Variants in FAF2 observed in about 807,000 individuals in gnomAD.
The protein encoded by FAF2 is FAS-associated factor 2.
FAF2 carries 9 observed loss-of-function variants against 62.3 expected under a neutral mutation model. That is an observed-to-expected ratio of 0.14 (90% CI 0.09 to 0.25). FAF2 has a LOEUF of 0.25. FAF2 is among the 10% of genes least tolerant of loss of function. The pLI, the probability that FAF2 is intolerant of heterozygous loss-of-function variation, is 1.00. For missense variants in FAF2, 368 were observed against 556.2 expected (o/e 0.66, Z 3.40); for synonymous variants, 202 against 198.0 (o/e 1.02, Z -0.17).
At position 176,494,712 on chromosome 5, in the gene FAF2, G is replaced by A. The variant is rs4868641; in HGVS notation, c.661+437G>A. Among the ~76,000 whole-genome samples the A allele has an allele frequency of 0.057, 8,685 of 151,914 alleles. 352 individuals carry two copies. Among genetic ancestry groups the A allele is most frequent in the Non-Finnish European group, 0.085 (5,761 of 67,966 alleles). The stretch of plus-strand genomic sequence containing the variant: ...TGGAACTACAGGCATGCACCACCAC[G>A]CCCAGCTAATTTTTTTGTATTTTTA... On this transcript the variant is annotated intron_variant, in intron 7 of 10. Transcript: ENST00000261942. This position sits in a 1 kb window ranked among gnomAD's most constrained non-coding sequence, Gnocchi z 4.0.
At chr5:176,503,017 C>T (rs1315475538) in intron 10 of FAF2, among the ~76,000 whole-genome samples, 1 of 151,448 alleles carries the variant, frequency 6.6e-6, no homozygotes, top group Non-Finnish European at 1.5e-5. Context: ...CATTGCACTC[C>T]AGCCTGGGCG....
chr5:176,470,294 C>A (rs1354582260), intron 1 of FAF2, among the ~76,000 whole-genome samples: 1 of 152,126 alleles, frequency 6.6e-6, no homozygotes, highest in African/African-American at 2.4e-5. Flanking sequence ...TTAAACTTTA[C>A]CAGCCGGGTG....
intron 7 of FAF2, among the ~76,000 whole-genome samples, chr5:176,495,327 C>T (rs1030255415): frequency 2.6e-5 from 4 of 152,106 alleles, no homozygotes; most frequent in South Asian, 4.1e-4. Context: ...TTTTAAACAT[C>T]CAAATTCCTG....
rs1172803791 is a variant in FAF2 at position 176,494,398 on chromosome 5, A to G, written c.661+123A>G. On this transcript the variant is annotated intron_variant, in intron 7 of 10. Coordinates refer to ENST00000261942, the MANE Select transcript of FAF2 (RefSeq NM_014613.3). This position sits in a 1 kb window ranked among gnomAD's most constrained non-coding sequence, Gnocchi z 4.0. Reference sequence around the variant, plus strand: ...TGTGGTAGATACGACGCTAGTTGCTATTTTATATTGTCTCATTTAATCCTC... The same window carrying G: ...TGTGGTAGATACGACGCTAGTTGCTGTTTTATATTGTCTCATTTAATCCTC... 11 of 780,324 alleles carry G rather than the reference A, an allele frequency of 1.4e-5. No individual in the cohort carries two copies. Among genetic ancestry groups the G allele is most frequent in the East Asian group, 5.2e-5 (2 of 38,514 alleles). 48.3% of individuals were successfully genotyped at this position (780,324 alleles called of 1,614,324 possible). A position where few individuals can be genotyped will look rare whatever the true frequency, so the allele number is the denominator to read the frequency against.
At chr5:176,469,317 G>A (rs775175514) in intron 1 of FAF2, among the ~76,000 whole-genome samples, 4 of 152,144 alleles carry the variant, frequency 2.6e-5, no homozygotes, top group Non-Finnish European at 5.9e-5. Flanking sequence ...GGAAGTTGAA[G>A]CCTGTGACTG....
Position 176,492,225 on chromosome 5 carries a change from C to A in FAF2, c.376C>A (p.Arg126Ser), listed in dbSNP as rs1322222279. The change falls in exon 5 of 11, where the codon CGC (arginine) becomes AGC (serine). Residue 126 changes from arginine to serine, a missense_variant. This residue lies in a region of FAF2 where 331 missense variants were observed against 441.9 expected (regional missense o/e 0.75). Coordinates refer to ENST00000261942, the MANE Select transcript of FAF2 (RefSeq NM_014613.3). ...FALRFIRPDPRSRVTDPVGDI... is the reference protein window; with the variant it reads ...FALRFIRPDPSSRVTDPVGDI... ...TCTTCGTTTTATACGGCCTGACCCT[C>A]GCAGCCGGGTCACTGACCCCGTTGG... 1 of 1,614,104 alleles carries A rather than the reference C, an allele frequency of 6.2e-7. No homozygotes were observed. The highest frequency in any genetic ancestry group is 8.5e-7 in the Non-Finnish European group (1 of 1,179,994).
At chr5:176,467,127 TCC>T (rs144936765) in intron 1 of FAF2, among the ~76,000 whole-genome samples, 1 of 128,426 alleles carries the variant, frequency 7.8e-6, no homozygotes, top group Non-Finnish European at 1.6e-5. Context: ...GTTTTTTTTT[TCC>T]TTTTTTTTTT....
chr5:176,462,786 G>A (rs910259203), intron 1 of FAF2, among the ~76,000 whole-genome samples: 1 of 152,068 alleles, frequency 6.6e-6, no homozygotes, highest in East Asian at 1.9e-4. Context: ...TGAAATTCTA[G>A]GGGTGTGATT....
At chr5:176,474,272 T>C (rs1291076854) in intron 1 of FAF2, among the ~76,000 whole-genome samples, 1 of 152,186 alleles carries the variant, frequency 6.6e-6, no homozygotes, top group African/African-American at 2.4e-5. Flanking sequence ...AAAACTGGCT[T>C]TCATCATTCA....
At chr5:176,454,005 G>A (rs1422799673) in intron 1 of FAF2, among the ~76,000 whole-genome samples, 2 of 151,234 alleles carry the variant, frequency 1.3e-5, no homozygotes, top group East Asian at 3.9e-4. Flanking sequence ...GCAGTGATCC[G>A]AGACCGCACC....
chr5:176,483,225 G>T (rs1003662436), intron 2 of FAF2, among the ~76,000 whole-genome samples: 1 of 152,018 alleles, frequency 6.6e-6, no homozygotes, highest in Non-Finnish European at 1.5e-5. Context: ...CCGCATTCAT[G>T]ATAGTGTAAT....
chr5:176,464,487 CTTTTTTTTTTT>C (rs142550204), intron 1 of FAF2, among the ~76,000 whole-genome samples: 2 of 80,032 alleles, frequency 2.5e-5, no homozygotes, highest in African/African-American at 1.0e-4. Flanking sequence ...CAAGCTGATT[CTTTTTTTTTTT>C]TTTTTTTTTT....
At chr5:176,452,012 C>T (rs911412196) in intron 1 of FAF2, among the ~76,000 whole-genome samples, 2 of 144,648 alleles carry the variant, frequency 1.4e-5, no homozygotes, top group Non-Finnish European at 1.5e-5. Context: ...AGTGATCCTC[C>T]CACCTCAGCC....
intron 1 of FAF2, among the ~76,000 whole-genome samples, chr5:176,454,402 T>TAAATAA (rs1410188200): frequency 6.8e-6 from 1 of 146,940 alleles, no homozygotes; most frequent in African/African-American, 2.5e-5. Context: ...TCAAAATAAA[T>TAAATAA]AAATAAAAAT....
Position 176,507,043 on chromosome 5 carries a change from G to A in FAF2, c.*93G>A, listed in dbSNP as rs1423240554. 1.1e-5 allele frequency: 9 copies of A among 790,046 alleles called. No homozygotes were observed. In the East Asian group the frequency reaches 2.6e-4, roughly 23 times the overall value. 48.9% of individuals were successfully genotyped at this position (790,046 alleles called of 1,614,324 possible). A position where few individuals can be genotyped will look rare whatever the true frequency, so the allele number is the denominator to read the frequency against. On this transcript the variant is annotated 3_prime_UTR_variant, in exon 11 of 11. Transcript: ENST00000261942. ...CAAGTCAGAAAAAAAAAACAAGAGA[G>A]AGAAATTCATATTATTATTATTATT...
At chr5:176,457,123 T>A (rs1287599103) in intron 1 of FAF2, among the ~76,000 whole-genome samples, 1 of 152,148 alleles carries the variant, frequency 6.6e-6, no homozygotes, top group African/African-American at 2.4e-5. Flanking sequence ...GAGTAACAGA[T>A]TACCTTTACA....
chr5:176,448,518 T>G, intron 1 of FAF2, 48 bp downstream of exon 1: 1 of 1,541,930 alleles, frequency 6.5e-7, no homozygotes, highest in Non-Finnish European at 8.8e-7. Context: ...GGATGGGGAG[T>G]AGGCCCCTAG....
At chr5:176,455,487 C>T (rs1448764340) in intron 1 of FAF2, among the ~76,000 whole-genome samples, 1 of 149,382 alleles carries the variant, frequency 6.7e-6, no homozygotes. Context: ...CAGTGGTGCA[C>T]GCCTGTAATC....
intron 3 of FAF2, 38 bp from the exon 4 acceptor site, chr5:176,488,913 T>G: frequency 7.2e-5 from 108 of 1,507,470 alleles, no homozygotes; most frequent in Non-Finnish European, 9.1e-5. Flanking sequence ...TATTAGGGAT[T>G]GAGAGAATTG....
Sources: gnomAD v4.1 joint callset for allele counts (sites outside exome capture counted in the v4.1 genomes callset) on GRCh38, gnomAD v4.1.1 for gene constraint, gnomAD v4.1.1 regional missense constraint, Gnocchi (gnomAD v3.1) non-coding constraint, MANE v1.5 for transcripts, NCBI Gene and HGNC (gene_info 2026-07-23, HGNC 2026-07-21) for gene names.